LLGL1: variants seen among roughly 807,000 people sequenced by gnomAD.
The protein encoded by LLGL1 is lethal(2) giant larvae protein homolog 1.
In LLGL1, 58 loss-of-function variants were observed where a neutral mutation model predicts 110.6. That is an observed-to-expected ratio of 0.52 (90% confidence interval 0.42 to 0.65). LLGL1 has a LOEUF of 0.65. LLGL1 is among the 30% of genes least tolerant of loss of function. LLGL1 has a pLI of 0.00. For missense variants in LLGL1, 1,229 were observed against 1,462.1 expected, an observed-to-expected ratio of 0.84 and a Z score of 2.60; for synonymous variants, 674 against 607.2, an observed-to-expected ratio of 1.11 and a Z score of -1.62.
In LLGL1 at chr17:18,234,151, G is replaced by A. The variant is rs757715618; in HGVS notation, c.690G>A (p.Val230=). The A allele has an allele frequency of 3.7e-6, 6 of 1,607,422 alleles. No individual in the cohort carries two copies. The South Asian group carries it at 6.6e-5, about 18-fold the overall frequency. ...LVIWNQASQC[V]DHIFLGNQQL... is the part of the protein sequence containing the mutation. ...TCTGGAACCAGGCCTCGCAGTGTGT[G>A]GACCACATCTTCCTGGGGAACCAGG... Residue 230 remains valine, a synonymous_variant, in exon 6 of 23, where the codon GTG becomes GTA. Coordinates refer to ENST00000316843, the MANE Select transcript of LLGL1 (RefSeq NM_004140.4).
intron 4 of LLGL1, among the ~76,000 whole-genome samples, chr17:18,233,146 T>C (rs976934836): frequency 2.6e-4 from 39 of 152,204 alleles, no homozygotes; most frequent in African/African-American, 9.2e-4. Context: ...GGGCAGGGCC[T>C]AAGCCAGTTA....
chr17:18,240,326 C>A lies in LLGL1; in HGVS notation c.2207-252C>A, dbSNP rs771898587. Among the ~76,000 whole-genome samples the A allele has an allele frequency of 6.6e-6, 1 of 152,058 alleles. No homozygotes were observed. The highest frequency in any genetic ancestry group is 1.5e-5 in the Non-Finnish European group (1 of 67,998). The stretch of plus-strand genomic sequence containing the variant: ...TCTGTGCAGATGCGCTACAGCTGTT[C>A]GGGCCTCTGCAGGAGGGCTGCATCC... On this transcript the variant is annotated intron_variant, in intron 16 of 22. Coordinates refer to ENST00000316843, the MANE Select transcript of LLGL1 (RefSeq NM_004140.4). This position sits in a 1 kb window ranked among gnomAD's most constrained non-coding sequence, Gnocchi z 5.3.
In LLGL1 at chr17:18,241,685, G is replaced by A. The variant is rs546007050; in HGVS notation, c.2737G>A (p.Ala913Thr). The A allele has an allele frequency of 1.6e-5, 26 of 1,613,480 alleles. No homozygotes were observed. The highest frequency in any genetic ancestry group is 5.0e-5 in the Admixed American group (3 of 60,030). ...CIRKEDISGI[A>T]SCVFTRHGQG... ...CCGGAAGGAGGACATCAGCGGCATC[G>A]CTTCGTGCGTCTTTACGCGCCATGG... The change falls in exon 18 of 23, where the codon GCT becomes ACT. Residue 913 changes from alanine (A) to threonine (T), a missense_variant. Physicochemically the swap from Ala to Thr is moderately conservative, Grantham distance 58. Transcript: ENST00000316843.
In LLGL1 at chr17:18,226,909, A is replaced by C. The variant is rs1010556586; in HGVS notation, c.81+1146A>C. 2.5e-4 allele frequency among the ~76,000 whole-genome samples: 38 copies of C among 152,370 alleles called. 1 individual carries two copies. The highest frequency in any genetic ancestry group is 1.9e-4 in the East Asian group (1 of 5,190). ...GCTCTTCGAAATTAGAGTTATCTTC[A>C]AAATACAGGTGAGAAAATTGAGGTT... is the stretch of plus-strand genomic sequence containing the variant. On this transcript the variant is annotated intron_variant, in intron 1 of 22. Transcript: ENST00000316843.
rs772719725 is a variant in LLGL1, at chr17:18,233,774, G to C, written c.393-4G>C. The C allele has an allele frequency of 6.2e-7, 1 of 1,611,754 alleles. No individual in the cohort carries two copies. Among genetic ancestry groups the C allele is most frequent in the Non-Finnish European group, 8.5e-7 (1 of 1,178,498 alleles). On this transcript the variant is annotated splice_region_variant and splice_polypyrimidine_tract_variant and intron_variant, in intron 4 of 22. Transcript: ENST00000316843. The stretch of plus-strand genomic sequence containing the variant: ...CCTCACTCCCTTCCCCTTGTTCCCT[G>C]CAGTGCTCCGCTCAGCCTTACCCGA...
Position 18,238,499 on chromosome 17 carries a change from A to C in LLGL1, c.2096A>C (p.His699Pro), listed in dbSNP as rs1172079015. The C allele has an allele frequency of 1.2e-6, 2 of 1,612,296 alleles. No homozygotes were observed. Among genetic ancestry groups the C allele is most frequent in the Non-Finnish European group, 8.5e-7 (1 of 1,179,960 alleles). Residue 699 changes from histidine (H) to proline (P), a missense_variant, in exon 16 of 23, where the codon CAC becomes CCC. Coordinates refer to ENST00000316843, the MANE Select transcript of LLGL1 (RefSeq NM_004140.4). ...CAGCTGGCTGAGCAGGCCTGCCCCCACGACGTGGAGATGACGCCCGTGCAG... is the reference window on the plus strand; with the variant it reads ...CAGCTGGCTGAGCAGGCCTGCCCCCCCGACGTGGAGATGACGCCCGTGCAG... ...NAQLAEQACP[H>P]DVEMTPVQRR...
rs1253991128 is a variant in LLGL1 at position 18,235,148 on chromosome 17, C to A, written c.1120C>A (p.Leu374Met). 1 of 1,613,658 alleles carries A rather than the reference C, an allele frequency of 6.2e-7. No homozygotes were observed. The highest frequency in any genetic ancestry group is 2.2e-5 in the East Asian group (1 of 44,880). The change falls in exon 10 of 23, where the codon CTG becomes ATG. Residue 374 changes from leucine to methionine, a missense_variant. Physicochemically the swap from Leu to Met is conservative, Grantham distance 15 (BLOSUM62 2). Coordinates refer to ENST00000316843, the MANE Select transcript of LLGL1 (RefSeq NM_004140.4). ...GGAAGAGGAGCTGGTGGTGCTGGACCTGCAGACTCCTGGCTGGCCAGCTGT... is the reference window on the plus strand; with the variant it reads ...GGAAGAGGAGCTGGTGGTGCTGGACATGCAGACTCCTGGCTGGCCAGCTGT... ...LLEEELVVLDLQTPGWPAVPA... is the reference protein window; with the variant it reads ...LLEEELVVLDMQTPGWPAVPA...
Position 18,232,706 on chromosome 17 carries a change from T to C in LLGL1, c.296T>C (p.Leu99Pro). 1 of 1,614,192 alleles carries C rather than the reference T, an allele frequency of 6.2e-7. No individual in the cohort carries two copies. Among genetic ancestry groups the C allele is most frequent in the Non-Finnish European group, 8.5e-7 (1 of 1,180,024 alleles). ...RLLSLLDDSS[L>P]HLWEIVHHNG... ...CTGTCCCTGCTTGATGACAGCAGTCTGCATCTCTGGGAGATTGTCCACCAT... is the reference window on the plus strand; with the variant it reads ...CTGTCCCTGCTTGATGACAGCAGTCCGCATCTCTGGGAGATTGTCCACCAT... The change falls in exon 4 of 23, where the codon CTG becomes CCG. Residue 99 changes from leucine (L) to proline (P), a missense_variant. By Grantham distance (98) the Leu-to-Pro change is moderately conservative. Transcript: ENST00000316843.
Position 18,235,522 on chromosome 17 carries a change from G to C in LLGL1, c.1337G>C (p.Gly446Ala). Reference protein sequence around the residue: ...RNLAQEPSQRGLLLTGHEDGT... With the variant: ...RNLAQEPSQRALLLTGHEDGT... ...CTGGCCCAGGAGCCGTCACAGCGAG[G>C]GCTGCTGCTGACGGGGTAGGTGTGC... Residue 446 changes from glycine (G) to alanine (A), a missense_variant, in exon 11 of 23, where the codon GGG becomes GCG. Coordinates refer to ENST00000316843, the MANE Select transcript of LLGL1 (RefSeq NM_004140.4). 6.2e-7 allele frequency: 1 copy of C among 1,613,894 alleles called. No homozygotes were observed. Among genetic ancestry groups the C allele is most frequent in the Non-Finnish European group, 8.5e-7 (1 of 1,179,942 alleles).
At chr17:18,238,976 A>T (rs1257780402) in intron 16 of LLGL1, among the ~76,000 whole-genome samples, 3 of 152,090 alleles carry the variant, frequency 2.0e-5, no homozygotes, top group Non-Finnish European at 2.9e-5. Flanking sequence ...GTACCACTGC[A>T]CTCCAGCCTG....
chr17:18,231,403 A>G (rs974468077), intron 2 of LLGL1, among the ~76,000 whole-genome samples: 3 of 152,166 alleles, frequency 2.0e-5, no homozygotes, highest in African/African-American at 7.2e-5. Flanking sequence ...GCTCCAGGCA[A>G]CGGCTCCTGT....
At chr17:18,238,886 CTGTAA>C (rs1181651796) in intron 16 of LLGL1, among the ~76,000 whole-genome samples, 1 of 152,204 alleles carries the variant, frequency 6.6e-6, no homozygotes, top group Non-Finnish European at 1.5e-5. Context: ...TGGCGGGCGC[CTGTAA>C]TCCCAGCTAC....
chr17:18,238,755 G>A, intron 16 of LLGL1, 146 bp downstream of exon 16: 2 of 804,766 alleles, frequency 2.5e-6, no homozygotes, highest in Non-Finnish European at 3.9e-6. Flanking sequence ...GCCTGTGAGT[G>A]ATCCCAGCAC....
At chr17:18,242,866 C>G in intron 22 of LLGL1, 44 bp downstream of exon 22, 1 of 1,498,502 alleles carries the variant, frequency 6.7e-7, no homozygotes, top group Non-Finnish European at 8.9e-7. Flanking sequence ...TGGTGACGTC[C>G]ACCCCCTTCA....
rs1597872040 is a variant in LLGL1 at position 18,237,178 on chromosome 17, T to C, written c.1611+239T>C. The C allele has an allele frequency of 1.2e-5, 7 of 596,882 alleles. No homozygotes were observed. In the East Asian group the frequency reaches 1.9e-4, roughly 17 times the overall value. 37.0% of individuals were successfully genotyped at this position (596,882 alleles called of 1,614,324 possible). On this transcript the variant is annotated intron_variant, in intron 13 of 22. Transcript: ENST00000316843. ...GCTGTGCTCCGGCACTCACATGACA[T>C]ACAGGAGGTGCTCAATGTGTCCTTA...
chr17:18,226,023 A>C (rs2047432131), intron 1 of LLGL1, among the ~76,000 whole-genome samples: 1 of 151,754 alleles, frequency 6.6e-6, no homozygotes, highest in East Asian at 2.0e-4. Context: ...TGGCTCTGCC[A>C]GTCTGTGTGT....
intron 19 of LLGL1, 63 bp downstream of exon 19, chr17:18,242,062 C>T: frequency 2.6e-6 from 4 of 1,549,296 alleles, no homozygotes; most frequent in South Asian, 2.2e-5. Flanking sequence ...TCATCCCACC[C>T]CCGAGATCTG....
At position 18,237,587 on chromosome 17, in the gene LLGL1, G is replaced by A. The variant is rs531770044; in HGVS notation, c.1718G>A (p.Arg573Gln). Residue 573 changes from arginine (R) to glutamine (Q), a missense_variant, in exon 14 of 23, where the codon CGG becomes CAG. By Grantham distance (43) the Arg-to-Gln change is conservative. Coordinates refer to ENST00000316843, the MANE Select transcript of LLGL1 (RefSeq NM_004140.4). ...GGCTTCACATGGAAGGGCCACGAGC[G>A]GCTGAGCCCACGCACGGGGCCGCTG... ...REGFTWKGHERLSPRTGPLPW... is the reference protein window; with the variant it reads ...REGFTWKGHEQLSPRTGPLPW... 2.8e-5 allele frequency: 45 copies of A among 1,610,622 alleles called. No individual in the cohort carries two copies. Among genetic ancestry groups the A allele is most frequent in the South Asian group, 7.7e-5 (7 of 90,956 alleles).
At position 18,234,896 on chromosome 17, in the gene LLGL1, C is replaced by G. The variant is rs769466162; in HGVS notation, c.963C>G (p.His321Gln). The change falls in exon 9 of 23, where the codon CAC (histidine) becomes CAG (glutamine). Residue 321 changes from histidine (H) to glutamine (Q), a missense_variant. Coordinates refer to ENST00000316843, the MANE Select transcript of LLGL1 (RefSeq NM_004140.4). ...GMPRASYGDR[H>Q]CVSVLRAETL... ...CCCGTGCCAGCTATGGTGACCGCCA[C>G]TGTGTAAGTGTGCTTCGAGCCGAGA... is the stretch of plus-strand genomic sequence containing the variant. The G allele has an allele frequency of 3.1e-6, 5 of 1,613,964 alleles. No individual in the cohort carries two copies. The highest frequency in any genetic ancestry group is 4.2e-6 in the Non-Finnish European group (5 of 1,180,010).
Sources: gnomAD v4.1 joint callset for allele counts (sites outside exome capture counted in the v4.1 genomes callset) on GRCh38, gnomAD v4.1.1 for gene constraint, Gnocchi (gnomAD v3.1) non-coding constraint, MANE v1.5 for transcripts, NCBI Gene and HGNC (gene_info 2026-07-23, HGNC 2026-07-21) for gene names.